The following OLAH variants were observed in gnomAD, a reference collection of about 807,000 sequenced individuals.
OLAH encodes oleoyl-ACP hydrolase, also known as S-acyl fatty acid synthase thioesterase, medium chain.
A neutral mutation model predicts 27.8 loss-of-function variants in OLAH; 33 were observed. The observed-to-expected ratio is 1.19, with a 90% CI of 0.90 to 1.59. The LOEUF (loss-of-function observed/expected upper bound fraction) is 1.59, where lower values mean the gene tolerates loss of function less well. Ranked by LOEUF, OLAH falls within the 40% of genes most tolerant of loss-of-function variation. OLAH has a pLI of 0.00. For missense variants in OLAH, 359 were observed against 310.8 expected, an observed-to-expected ratio of 1.16 and a Z score of -1.17; for synonymous variants, 120 against 102.9, an observed-to-expected ratio of 1.17 and a Z score of -1.01.
chr10:15,052,311 C>T (rs1284089843), intron 3 of OLAH, among the ~76,000 whole-genome samples: 1 of 152,080 alleles, frequency 6.6e-6, no homozygotes, highest in East Asian at 1.9e-4. Flanking sequence ...AATGTGGCTG[C>T]TGGCTTTGAC....
At chr10:15,071,728 A>C in intron 6 of OLAH, 67 bp from the exon 7 acceptor site, 1 of 1,493,878 alleles carries the variant, frequency 6.7e-7, no homozygotes, top group Non-Finnish European at 9.2e-7. Context: ...CATTGACATT[A>C]GGAACAGGAA....
At chr10:15,063,683 T>C (rs2131371001) in intron 4 of OLAH, among the ~76,000 whole-genome samples, 1 of 152,362 alleles carries the variant, frequency 6.6e-6, no homozygotes, top group Non-Finnish European at 1.5e-5. Flanking sequence ...TATCTGGCGA[T>C]ATTTATCATA....
intron 1 of OLAH, among the ~76,000 whole-genome samples, chr10:15,046,166 C>T (rs1035708855): frequency 7.3e-5 from 11 of 151,700 alleles, no homozygotes; most frequent in African/African-American, 1.2e-4. Context: ...GGCAACATGG[C>T]GAAACCCTGT....
At chr10:15,034,730 G>C (rs1006759644) in intron 1 of OLAH, among the ~76,000 whole-genome samples, 5 of 152,130 alleles carry the variant, frequency 3.3e-5, no homozygotes, top group African/African-American at 1.2e-4. Flanking sequence ...CAAAACCAGA[G>C]AGTATCTTCA....
upstream of OLAH, among the ~76,000 whole-genome samples, chr10:15,040,246 G>C (rs115654567): frequency 4.4e-3 from 672 of 151,972 alleles, 4 homozygotes; most frequent in African/African-American, 0.016. Context: ...TTCCCCTTTG[G>C]TTTCTGTCCT....
chr10:15,070,315 G>A (rs1429461231), intron 6 of OLAH, among the ~76,000 whole-genome samples: 2 of 152,024 alleles, frequency 1.3e-5, no homozygotes, highest in Non-Finnish European at 2.9e-5. Flanking sequence ...TCTATCCAGA[G>A]GATAGAAGTC....
At chr10:15,065,486 T>G in intron 5 of OLAH, 98 bp from the exon 6 acceptor site, 1 of 1,302,046 alleles carries the variant, frequency 7.7e-7, no homozygotes, top group Non-Finnish European at 1.0e-6. Context: ...CTTCCCAGCC[T>G]TGGTTTAATG....
At chr10:15,038,681 A>T (rs1843877809) in intron 1 of OLAH, 1 of 152,230 alleles carries the variant, frequency 6.6e-6, no homozygotes, top group Non-Finnish European at 1.5e-5. Flanking sequence ...GCTATGTGGC[A>T]CTGTAAGTCT....
chr10:15,069,901 G>C (rs1257332780), intron 6 of OLAH, among the ~76,000 whole-genome samples: 3 of 152,082 alleles, frequency 2.0e-5, no homozygotes, highest in Non-Finnish European at 4.4e-5. Context: ...CTGTGAGTCA[G>C]TGGGAACTCC....
intron 3 of OLAH, among the ~76,000 whole-genome samples, chr10:15,059,104 T>A (rs187678183): frequency 6.8e-5 from 1 of 14,758 alleles, no homozygotes; most frequent in Non-Finnish European, 1.2e-4. Context: ...TCCCTCCCTC[T>A]CTCCTTCCCT....
chr10:15,064,303 G>T, intron 4 of OLAH, 100 bp from the exon 5 acceptor site: 1 of 675,426 alleles, frequency 1.5e-6, no homozygotes, highest in Non-Finnish European at 2.6e-6. Flanking sequence ...TCTATTACAT[G>T]ATCATTGTTG....
chr10:15,041,284 TTA>T (rs1491381941), upstream of OLAH, among the ~76,000 whole-genome samples: 86 of 138,004 alleles, frequency 6.2e-4, 1 homozygote, highest in South Asian at 0.012. Flanking sequence ...ATTTTTATTT[TTA>T]TTTTTTTTGA....
At chr10:15,067,725 A>G (rs185656740) in intron 6 of OLAH, among the ~76,000 whole-genome samples, 5 of 152,256 alleles carry the variant, frequency 3.3e-5, no homozygotes, top group East Asian at 3.9e-4. Context: ...CTCCTTTTCA[A>G]TCTGATCTCT....
At chr10:15,071,544 C>T in intron 6 of OLAH, 1 of 985,416 alleles carries the variant, frequency 1.0e-6, no homozygotes, top group South Asian at 4.7e-5. Context: ...TTGAGTTGAA[C>T]TGTGTGCCCC....
chr10:15,073,262 G>A lies in OLAH; in HGVS notation c.*33G>A. ...CCCTTTCACTTTTAAAATAATCAAA[G>A]TAATATCATACTCTTCTCAGTTATT... On this transcript the variant is annotated 3_prime_UTR_variant, in exon 8 of 8. Transcript: ENST00000378228. The A allele has an allele frequency of 7.2e-7, 1 of 1,382,438 alleles. No homozygotes were observed. The highest frequency in any genetic ancestry group is 1.0e-6 in the Non-Finnish European group (1 of 984,476). The allele number at this position is 1,382,438 out of a possible 1,614,324, so 85.6% of individuals were successfully genotyped here.
chr10:15,045,993 C>A (rs1844009316), intron 1 of OLAH, among the ~76,000 whole-genome samples: 1 of 152,020 alleles, frequency 6.6e-6, no homozygotes, highest in Non-Finnish European at 1.5e-5. Flanking sequence ...GTCGTGCCAC[C>A]ACACTCCAGC....
chr10:15,040,345 A>T (rs549674621), upstream of OLAH, among the ~76,000 whole-genome samples: 4 of 152,328 alleles, frequency 2.6e-5, no homozygotes, highest in South Asian at 8.3e-4. Flanking sequence ...AAGATCAAGA[A>T]AGCTGGCTGA....
chr10:15,045,986 G>A (rs576057803), intron 1 of OLAH, among the ~76,000 whole-genome samples: 9 of 152,236 alleles, frequency 5.9e-5, no homozygotes, highest in African/African-American at 1.2e-4. Flanking sequence ...AGCCAAGGTC[G>A]TGCCACCACA....
At chr10:15,065,093 T>A (rs1844442369) in intron 5 of OLAH, among the ~76,000 whole-genome samples, 1 of 152,248 alleles carries the variant, frequency 6.6e-6, no homozygotes, top group Non-Finnish European at 1.5e-5. Context: ...CTACTGGTAC[T>A]ATTCCTGGCG....
Sources: gnomAD v4.1 joint callset for allele counts (sites outside exome capture counted in the v4.1 genomes callset) on GRCh38, gnomAD v4.1.1 for gene constraint, MANE v1.5 for transcripts, NCBI Gene and HGNC (gene_info 2026-07-23, HGNC 2026-07-21) for gene names.